GLRA2: variants seen among roughly 807,000 people sequenced by gnomAD.
The protein encoded by GLRA2 is glycine receptor subunit alpha-2.
Under a neutral mutation model 31.6 loss-of-function variants are expected in GLRA2, and 11 were observed. The observed-to-expected ratio is 0.35, with a 90% CI of 0.22 to 0.58. The LOEUF (loss-of-function observed/expected upper bound fraction) is 0.58, where lower values mean the gene tolerates loss of function less well. Among genes scored for constraint, GLRA2 ranks in the 20% least tolerant of loss-of-function variants. The pLI, the probability that GLRA2 is intolerant of heterozygous loss-of-function variation, is 0.84. For synonymous variants in GLRA2, 132 were observed against 134.0 expected (o/e 0.99, Z 0.10); for missense variants, 212 against 351.8 (o/e 0.60, Z 3.18).
the GLRA2 span, among the ~76,000 whole-genome samples, chrX:14,489,470 G>A: frequency 4.5e-5 from 5 of 111,940 alleles, no homozygotes; most frequent in African/African-American, 9.8e-5. Flanking sequence ...GGATTTATTG[G>A]ACAAAAAGGA....
chrX:14,591,820 T>TGA (rs2090148832), intron 4 of GLRA2, among the ~76,000 whole-genome samples: 1 of 112,078 alleles, frequency 8.9e-6, no homozygotes. Flanking sequence ...ACTGTTTACG[T>TGA]GACTGGACTA....
At chrX:14,599,984 T>C (rs1391724232) in intron 4 of GLRA2, among the ~76,000 whole-genome samples, 2 of 111,094 alleles carry the variant, frequency 1.8e-5, no homozygotes, top group African/African-American at 6.6e-5. Flanking sequence ...ACTCTCCTCC[T>C]TATTATTGGC....
chrX:14,545,435 C>A (rs1225790217), intron 2 of GLRA2, among the ~76,000 whole-genome samples: 4 of 111,057 alleles, frequency 3.6e-5, no homozygotes, highest in African/African-American at 1.3e-4. Flanking sequence ...AGGGCACAGC[C>A]CTCATGACCT....
At chrX:14,477,609 A>G in the GLRA2 span, among the ~76,000 whole-genome samples, 1 of 111,472 alleles carries the variant, frequency 9.0e-6, no homozygotes, top group Non-Finnish European at 1.9e-5. Flanking sequence ...TAACGGTGCA[A>G]CTTGTGTCCT....
At chrX:14,488,808 C>A in the GLRA2 span, among the ~76,000 whole-genome samples, 3 of 112,227 alleles carry the variant, frequency 2.7e-5, no homozygotes, top group Non-Finnish European at 3.8e-5. Flanking sequence ...TTCCATTTAC[C>A]AACCAAAGTA....
chrX:14,699,342 C>G (rs1012738253), intron 8 of GLRA2, among the ~76,000 whole-genome samples: 3 of 112,361 alleles, frequency 2.7e-5, no homozygotes, highest in African/African-American at 9.7e-5. Flanking sequence ...GCCCTGACTT[C>G]TTTTTGTTCA....
Position 14,631,303 on chromosome X carries a change from CTTT to C in GLRA2, c.930+22101_930+22103del, listed in dbSNP as rs1407371711. Among the ~76,000 whole-genome samples the C allele has an allele frequency of 2.7e-5, 3 of 111,005 alleles. No homozygotes were observed. In the South Asian group the frequency reaches 1.1e-3, roughly 42 times the overall value. ...TTAACCTAGTCATTCTTTTATCTAG[CTTT>C]TTGAACATATAGAATGTAGTTATAG... On this transcript the variant is annotated intron_variant, in intron 7 of 8. Coordinates refer to ENST00000218075, the MANE Select transcript of GLRA2 (RefSeq NM_002063.4).
chrX:14,667,929 T>A (rs2091051597), intron 7 of GLRA2, among the ~76,000 whole-genome samples: 1 of 112,325 alleles, frequency 8.9e-6, no homozygotes, highest in Non-Finnish European at 1.9e-5. Flanking sequence ...TGAGCATTTT[T>A]ATCTTGTAGT....
At chrX:14,449,530 A>G in the GLRA2 span, among the ~76,000 whole-genome samples, 1 of 112,381 alleles carries the variant, frequency 8.9e-6, no homozygotes, top group Non-Finnish European at 1.9e-5. Flanking sequence ...GCTGATGGCC[A>G]GGTGGGGAGA....
At chrX:14,487,546 T>G in the GLRA2 span, among the ~76,000 whole-genome samples, 1 of 111,528 alleles carries the variant, frequency 9.0e-6, no homozygotes, top group Admixed American at 9.6e-5. Context: ...TTCAGCTCAC[T>G]TAACTCATCA....
At chrX:14,573,612 C>G (rs984736860) in intron 2 of GLRA2, among the ~76,000 whole-genome samples, 8 of 109,874 alleles carry the variant, frequency 7.3e-5, no homozygotes, top group Admixed American at 6.0e-4. Context: ...AAAAAGAGAA[C>G]TGCAGTCAGG....
chrX:14,600,938 A>C (rs749221651), intron 4 of GLRA2, among the ~76,000 whole-genome samples: 1 of 110,839 alleles, frequency 9.0e-6, no homozygotes, highest in Non-Finnish European at 1.9e-5. Context: ...GGTAATAATA[A>C]TTTTAAGCTC....
intron 7 of GLRA2, among the ~76,000 whole-genome samples, chrX:14,657,845 G>A (rs113168446): frequency 4.5e-5 from 5 of 111,794 alleles, no homozygotes; most frequent in African/African-American, 9.8e-5. Context: ...TTTTTCACAT[G>A]TCATTTGACT....
the GLRA2 span, among the ~76,000 whole-genome samples, chrX:14,451,923 A>T: frequency 5.4e-5 from 6 of 111,996 alleles, no homozygotes; most frequent in Non-Finnish European, 1.1e-4. Flanking sequence ...AACTATTCTA[A>T]ATATATATGC....
chrX:14,512,614 C>T, the GLRA2 span, among the ~76,000 whole-genome samples: 2 of 111,645 alleles, frequency 1.8e-5, no homozygotes, highest in Non-Finnish European at 3.8e-5. Context: ...AGTAACTCTG[C>T]TATACACCAA....
At chrX:14,590,927 G>T in intron 4 of GLRA2, among the ~76,000 whole-genome samples, 1 of 111,939 alleles carries the variant, frequency 8.9e-6, no homozygotes, top group East Asian at 2.8e-4. Flanking sequence ...GGAAGCACTG[G>T]CATGCACATA....
At chrX:14,591,045 T>A (rs967774847) in intron 4 of GLRA2, among the ~76,000 whole-genome samples, 10 of 111,524 alleles carry the variant, frequency 9.0e-5, no homozygotes, top group African/African-American at 2.9e-4. Flanking sequence ...GAAAGTGCGT[T>A]GTATGTATGA....
intron 7 of GLRA2, among the ~76,000 whole-genome samples, chrX:14,681,991 A>ATG (rs1200981691): frequency 2.6e-5 from 2 of 77,661 alleles, no homozygotes; most frequent in Admixed American, 2.9e-4. Context: ...GTATTTATAT[A>ATG]TGTATGTGTG....
intron 7 of GLRA2, among the ~76,000 whole-genome samples, chrX:14,640,761 C>T (rs1472054114): frequency 9.0e-6 from 1 of 110,963 alleles, no homozygotes; most frequent in Admixed American, 9.7e-5. Context: ...TTTTGTTGTC[C>T]GTTCTCCTGT....
Sources: gnomAD v4.1 joint callset for allele counts (sites outside exome capture counted in the v4.1 genomes callset) on GRCh38, gnomAD v4.1.1 for gene constraint, MANE v1.5 for transcripts, NCBI Gene and HGNC (gene_info 2026-07-23, HGNC 2026-07-21) for gene names.